The following DLC1 variants were observed in gnomAD, a reference collection of about 807,000 sequenced individuals.
DLC1 encodes the protein DLC1 Rho GTPase activating protein, also known as rho GTPase-activating protein 7.
A neutral mutation model predicts 140.3 loss-of-function variants in DLC1; 54 were observed. The ratio of observed to expected loss-of-function variants is 0.38; its 90% CI spans 0.31 to 0.48. DLC1 has a LOEUF of 0.48. DLC1 is among the 20% of genes least tolerant of loss of function. The probability of loss-of-function intolerance (pLI) is 0.96; values close to 1 mark genes in which losing one functional copy is unlikely to be tolerated. For synonymous variants in DLC1, 986 were observed against 728.1 expected (o/e 1.35, Z -5.70); for missense variants, 2,536 against 1,907.0 (o/e 1.33, Z -6.14).
At chr8:13,170,840 T>TGGTGAGAAGAATGGAAGAGGTG (rs1825427414) in intron 5 of DLC1, among the ~76,000 whole-genome samples, 2 of 152,148 alleles carry the variant, frequency 1.3e-5, no homozygotes, top group African/African-American at 4.8e-5. Context: ...TTAGGGTGTC[T>TGGTGAGAAGAATGGAAGAGGTG]GGTGAGAAGA....
In DLC1 at chr8:13,556,668, C is replaced by A. The variant is rs150341753; in HGVS notation, c.-126+47869G>T. 1.2e-3 allele frequency among the ~76,000 whole-genome samples: 181 copies of A among 152,184 alleles called. 2 individuals are homozygous for A. Among genetic ancestry groups the A allele is most frequent in the African/African-American group, 4.1e-3 (172 of 41,532 alleles). On this transcript the variant is annotated intron_variant, in intron 1 of 1. Coordinates refer to the DLC1 transcript ENST00000631382. ...GGGCCTGATACAGACATAGGCTGGG[C>A]GCCTGACAGGACTGCTCTTTTCTGA...
chr8:13,499,822 C>G lies in DLC1; in HGVS notation c.250G>C (p.Asp84His), dbSNP rs35173269. 1.2e-6 allele frequency: 2 copies of G among 1,613,948 alleles called. No homozygotes were observed. Among genetic ancestry groups the G allele is most frequent in the East Asian group, 2.2e-5 (1 of 44,886 alleles). The change falls in exon 2 of 18, where the codon GAT becomes CAT. Residue 84 changes from aspartate to histidine, a missense_variant. Transcript: ENST00000276297. ...TCATGGCTGTCATTTTCGTCCACATCCTTTGAAAGATGACCCATTGGCCTC... is the reference window on the plus strand; with the variant it reads ...TCATGGCTGTCATTTTCGTCCACATGCTTTGAAAGATGACCCATTGGCCTC... ...PGRPMGHLSKDVDENDSHEGE... is the reference protein window; with the variant it reads ...PGRPMGHLSKHVDENDSHEGE...
At chr8:13,122,338 C>T (rs911218630) in intron 5 of DLC1, among the ~76,000 whole-genome samples, 14 of 152,276 alleles carry the variant, frequency 9.2e-5, no homozygotes, top group East Asian at 1.9e-4. Context: ...GTTCTGAGGA[C>T]GTACCAAGCT....
chr8:13,573,299 G>T (rs112859504), intron 1 of DLC1, among the ~76,000 whole-genome samples: 9 of 152,034 alleles, frequency 5.9e-5, no homozygotes, highest in African/African-American at 1.9e-4. Context: ...GTTGATTTTT[G>T]CATGCTGGTT....
chr8:13,119,007 C>G (rs1314151069), intron 5 of DLC1, among the ~76,000 whole-genome samples: 4 of 152,006 alleles, frequency 2.6e-5, no homozygotes, highest in Non-Finnish European at 2.9e-5. Flanking sequence ...GTTGGGTGGA[C>G]TGTTTGAGCC....
At chr8:13,532,034 G>A (rs1031343946) in intron 1 of DLC1, among the ~76,000 whole-genome samples, 1 of 152,296 alleles carries the variant, frequency 6.6e-6, no homozygotes, top group African/African-American at 2.4e-5. Flanking sequence ...TCTAGCTTAT[G>A]ATATTTTTCT....
chr8:13,451,513 T>G (rs1339809773), intron 2 of DLC1, among the ~76,000 whole-genome samples: 1 of 152,192 alleles, frequency 6.6e-6, no homozygotes, highest in South Asian at 2.1e-4. Context: ...TCCCCCACCC[T>G]GATGTTACCC....
intron 4 of DLC1, among the ~76,000 whole-genome samples, chr8:13,361,124 C>G (rs942356036): frequency 6.8e-6 from 1 of 147,818 alleles, no homozygotes; most frequent in African/African-American, 2.4e-5. Flanking sequence ...ACCAGCTGCT[C>G]AGGAGGTTGA....
At chr8:13,206,915 G>A (rs972307896) in intron 5 of DLC1, among the ~76,000 whole-genome samples, 1 of 152,004 alleles carries the variant, frequency 6.6e-6, no homozygotes, top group African/African-American at 2.4e-5. Context: ...GTGATGATAA[G>A]CAGCTGTCAC....
intron 1 of DLC1, among the ~76,000 whole-genome samples, chr8:13,579,503 A>T (rs193137119): frequency 2.3e-5 from 1 of 44,248 alleles, no homozygotes; most frequent in Non-Finnish European, 5.2e-5. Flanking sequence ...ATTATATTTT[A>T]TATTATATAT....
chr8:13,475,903 C>T (rs1481814002), intron 2 of DLC1, among the ~76,000 whole-genome samples: 1 of 152,146 alleles, frequency 6.6e-6, no homozygotes, highest in Non-Finnish European at 1.5e-5. Flanking sequence ...GCCTTCACTC[C>T]CTTCAATCTG....
At chr8:13,360,374 T>C (rs1316000799) in intron 4 of DLC1, among the ~76,000 whole-genome samples, 1 of 152,166 alleles carries the variant, frequency 6.6e-6, no homozygotes, top group Non-Finnish European at 1.5e-5. Context: ...GGAGCATATA[T>C]TGGTATTATA....
chr8:13,421,653 A>G (rs536623599), intron 2 of DLC1, among the ~76,000 whole-genome samples: 2 of 152,298 alleles, frequency 1.3e-5, no homozygotes, highest in South Asian at 4.1e-4. Flanking sequence ...TCTTTGTGGT[A>G]TAATATTTCT....
At chr8:13,399,296 G>A (rs1837193140) in intron 3 of DLC1, among the ~76,000 whole-genome samples, 2 of 152,206 alleles carry the variant, frequency 1.3e-5, no homozygotes, top group African/African-American at 2.4e-5. Flanking sequence ...AAACTGGCAT[G>A]TTGGGAAGGT....
chr8:13,090,478 G>A lies in DLC1; in HGVS notation c.3856-8C>T, dbSNP rs569813740. On this transcript the variant is annotated splice_region_variant and splice_polypyrimidine_tract_variant and intron_variant, in intron 14 of 17. Transcript: ENST00000276297. Reference sequence around the variant, plus strand: ...GCTCATTTCCTCGGGAACCTGTGCGGAACATGACAGACAGAAAGGAGGTGA... The same window carrying A: ...GCTCATTTCCTCGGGAACCTGTGCGAAACATGACAGACAGAAAGGAGGTGA... 25 of 1,613,190 alleles carry A rather than the reference G, an allele frequency of 1.5e-5. 1 individual carries two copies. In the South Asian group the frequency reaches 2.2e-4, roughly 14 times the overall value.
chr8:13,240,426 G>A (rs563947500), intron 5 of DLC1, among the ~76,000 whole-genome samples: 1 of 152,248 alleles, frequency 6.6e-6, no homozygotes, highest in African/African-American at 2.4e-5. Flanking sequence ...ACACATATAT[G>A]TACATTTTCT....
At chr8:13,190,421 C>T (rs561552380) in intron 5 of DLC1, among the ~76,000 whole-genome samples, 54 of 152,228 alleles carry the variant, frequency 3.5e-4, no homozygotes, top group African/African-American at 1.3e-3. Flanking sequence ...GGTGTCAATG[C>T]CACATAATAA....
At chr8:13,138,287 A>G (rs1231930707) in intron 5 of DLC1, among the ~76,000 whole-genome samples, 1 of 152,222 alleles carries the variant, frequency 6.6e-6, no homozygotes, top group African/African-American at 2.4e-5. Flanking sequence ...TGTCTTAACA[A>G]GAGCTGAAAG....
At chr8:13,253,004 A>T (rs1830077746) in intron 5 of DLC1, among the ~76,000 whole-genome samples, 2 of 152,234 alleles carry the variant, frequency 1.3e-5, no homozygotes, top group Non-Finnish European at 2.9e-5. Flanking sequence ...ATGAAGCTAG[A>T]ATAGGTTCAC....
Sources: gnomAD v4.1 joint callset for allele counts (sites outside exome capture counted in the v4.1 genomes callset) on GRCh38, gnomAD v4.1.1 for gene constraint, MANE v1.5 for transcripts, NCBI Gene and HGNC (gene_info 2026-07-23, HGNC 2026-07-21) for gene names.